The following GALNT18 variants were observed in gnomAD, a reference collection of about 807,000 sequenced individuals.
The protein encoded by GALNT18 is GalNAc-transferase 18.
GALNT18 carries 44 observed loss-of-function variants against 69.5 expected under a neutral mutation model. That is an observed-to-expected ratio of 0.63 (90% CI 0.50 to 0.81). The LOEUF (loss-of-function observed/expected upper bound fraction) is 0.81, where lower values mean the gene tolerates loss of function less well. Among genes scored for constraint, GALNT18 ranks in the 40% least tolerant of loss-of-function variants. GALNT18 has a pLI of 0.00. For missense variants in GALNT18, 715 were observed against 810.0 expected, an observed-to-expected ratio of 0.88 and a Z score of 1.42; for synonymous variants, 364 against 318.2, an observed-to-expected ratio of 1.14 and a Z score of -1.53.
At chr11:11,352,088 C>G (rs1056963) in intron 6 of GALNT18, 1 of 1,613,212 alleles carries the variant, frequency 6.2e-7, no homozygotes, top group Non-Finnish European at 8.5e-7. Context: ...TGCTGACGGG[C>G]GTACTGCCCC....
In GALNT18 at chr11:11,496,766, T is replaced by G. The variant is rs1590052673; in HGVS notation, c.236-47830A>C. 6.6e-6 allele frequency among the ~76,000 whole-genome samples: 1 copy of G among 150,960 alleles called. No individual in the cohort carries two copies. Among genetic ancestry groups the G allele is most frequent in the Non-Finnish European group, 1.5e-5 (1 of 67,856 alleles). On this transcript the variant is annotated intron_variant, in intron 1 of 10. Transcript: ENST00000227756. This position sits in a 1 kb window ranked among gnomAD's most constrained non-coding sequence, Gnocchi z 4.0. ...ACCTGGCTGCTTCTGCTATCCCCAC[T>G]GCAGTGGTCTGAACCCCCTCCATTT... is the stretch of plus-strand genomic sequence containing the variant.
intron 10 of GALNT18, among the ~76,000 whole-genome samples, chr11:11,292,240 A>G (rs575102506): frequency 1.3e-5 from 2 of 152,260 alleles, no homozygotes; most frequent in Non-Finnish European, 2.9e-5. Context: ...GGAGGCAGGC[A>G]TCCCTATCTG....
intron 3 of GALNT18, among the ~76,000 whole-genome samples, chr11:11,392,512 A>G (rs1854218283): frequency 6.6e-6 from 1 of 152,148 alleles, no homozygotes; most frequent in Non-Finnish European, 1.5e-5. Flanking sequence ...CCAGCTACTC[A>G]GGAGGCTGAG....
chr11:11,289,611 C>G (rs1849261526), intron 10 of GALNT18, among the ~76,000 whole-genome samples: 1 of 152,204 alleles, frequency 6.6e-6, no homozygotes, highest in Non-Finnish European at 1.5e-5. Flanking sequence ...GATGGACAGA[C>G]AAGATGGGAG....
At chr11:11,405,509 G>A (rs1307737648) in intron 3 of GALNT18, among the ~76,000 whole-genome samples, 2 of 152,126 alleles carry the variant, frequency 1.3e-5, no homozygotes, top group Admixed American at 1.3e-4. Flanking sequence ...TGAGTCTGGG[G>A]TTCAAGGTCT....
intron 10 of GALNT18, among the ~76,000 whole-genome samples, chr11:11,276,628 T>A (rs1196896521): frequency 6.6e-6 from 1 of 151,972 alleles, no homozygotes; most frequent in African/African-American, 2.4e-5. Flanking sequence ...ACCCATTCAG[T>A]ATGATATTGG....
intron 1 of GALNT18, among the ~76,000 whole-genome samples, chr11:11,580,483 T>C (rs373110257): frequency 1.3e-5 from 2 of 152,396 alleles, no homozygotes; most frequent in East Asian, 3.9e-4. Flanking sequence ...ATCCTGCTAC[T>C]GAACTCTTCT....
chr11:11,285,624 T>C (rs1284081598), intron 10 of GALNT18, among the ~76,000 whole-genome samples: 1 of 152,220 alleles, frequency 6.6e-6, no homozygotes, highest in African/African-American at 2.4e-5. Flanking sequence ...AGTTCTACAC[T>C]TGTCCCTTCA....
intron 9 of GALNT18, among the ~76,000 whole-genome samples, chr11:11,302,481 G>T (rs1339330333): frequency 3.3e-5 from 5 of 152,124 alleles, no homozygotes; most frequent in African/African-American, 1.2e-4. Flanking sequence ...GCACCCCCCA[G>T]ACCAGCCTGG....
At position 11,461,712 on chromosome 11, in the gene GALNT18, A is replaced by C. The variant is rs1184059362; in HGVS notation, c.236-12776T>G. 6.6e-6 allele frequency among the ~76,000 whole-genome samples: 1 copy of C among 152,194 alleles called. No individual in the cohort carries two copies. Among genetic ancestry groups the C allele is most frequent in the Non-Finnish European group, 1.5e-5 (1 of 68,036 alleles). On this transcript the variant is annotated intron_variant, in intron 1 of 10. Coordinates refer to ENST00000227756, the MANE Select transcript of GALNT18 (RefSeq NM_198516.3). This position sits in a 1 kb window ranked among gnomAD's most constrained non-coding sequence, Gnocchi z 4.1. ...AAGCCGGACCAACCCTGCTAATGTT[A>C]AAGAGGCATGCTTCCCTGACACAGA...
intron 10 of GALNT18, among the ~76,000 whole-genome samples, chr11:11,284,889 T>C (rs1849160130): frequency 6.9e-6 from 1 of 144,796 alleles, no homozygotes; most frequent in Admixed American, 7.1e-5. Flanking sequence ...ACACCTGATT[T>C]ACTAGTAAAG....
rs537963080 is a variant in GALNT18, at chr11:11,569,479, G to A, written c.235+51880C>T. Among the ~76,000 whole-genome samples, 7 of 48,468 alleles carry A rather than the reference G, an allele frequency of 1.4e-4. No individual in the cohort carries two copies. The South Asian group carries it at 5.3e-3, about 37-fold the overall frequency. The allele number at this position is 48,468 out of a possible 152,430, so 31.8% of individuals were successfully genotyped here. ...CATCTCATGTTTATCACATCCTCTGGGAATTCTAAGAAATTCTGATCTCAG... is the reference window on the plus strand; with the variant it reads ...CATCTCATGTTTATCACATCCTCTGAGAATTCTAAGAAATTCTGATCTCAG... On this transcript the variant is annotated intron_variant, in intron 1 of 10. Coordinates refer to ENST00000227756, the MANE Select transcript of GALNT18 (RefSeq NM_198516.3).
intron 1 of GALNT18, among the ~76,000 whole-genome samples, chr11:11,561,145 C>G (rs1858494617): frequency 1.3e-5 from 2 of 152,192 alleles, no homozygotes; most frequent in South Asian, 4.2e-4. Flanking sequence ...ATTAAAAATC[C>G]ATGAGAAACA....
chr11:11,404,262 G>A lies in GALNT18; in HGVS notation c.596-24998C>T, dbSNP rs1286627259. On this transcript the variant is annotated intron_variant, in intron 3 of 10. Coordinates refer to ENST00000227756, the MANE Select transcript of GALNT18 (RefSeq NM_198516.3). This position sits in a 1 kb window ranked among gnomAD's most constrained non-coding sequence, Gnocchi z 4.5. ...ATGGCATTGATCACTGAATTCCCCAGGGGAGCCCTGGGCTTCAGTGCCAAT... is the reference window on the plus strand; with the variant it reads ...ATGGCATTGATCACTGAATTCCCCAAGGGAGCCCTGGGCTTCAGTGCCAAT... Among the ~76,000 whole-genome samples the A allele has an allele frequency of 6.6e-6, 1 of 152,212 alleles. No individual in the cohort carries two copies. Among genetic ancestry groups the A allele is most frequent in the East Asian group, 1.9e-4 (1 of 5,194 alleles).
At chr11:11,295,720 C>T (rs1383574190) in intron 9 of GALNT18, among the ~76,000 whole-genome samples, 3 of 152,174 alleles carry the variant, frequency 2.0e-5, no homozygotes, top group African/African-American at 7.2e-5. Flanking sequence ...GGTCACTTTA[C>T]AAGTTATCAA....
rs1316931009 is a variant in GALNT18 at position 11,343,429 on chromosome 11, A to T, written c.1093-2425T>A. On this transcript the variant is annotated intron_variant, in intron 6 of 10. Transcript: ENST00000227756. ...AGAACACACAGCTGATACTTAAGAC[A>T]AAAGGATCTGTCTGATCCCAAAGAA... Among the ~76,000 whole-genome samples, 5 of 152,338 alleles carry T rather than the reference A, an allele frequency of 3.3e-5. No homozygotes were observed. The East Asian group carries it at 9.6e-4, about 29-fold the overall frequency.
intron 3 of GALNT18, among the ~76,000 whole-genome samples, chr11:11,414,978 CGTT>C (rs1189206849): frequency 1.3e-5 from 2 of 152,150 alleles, no homozygotes; most frequent in Non-Finnish European, 2.9e-5. Flanking sequence ...GAGATTGACT[CGTT>C]GTTGGCACAA....
intron 6 of GALNT18, among the ~76,000 whole-genome samples, chr11:11,355,484 C>T (rs1257000001): frequency 6.6e-6 from 1 of 152,182 alleles, no homozygotes. Context: ...TGGTTTATAC[C>T]TAGTGTTCCA....
At chr11:11,316,604 C>T (rs768666483) in intron 9 of GALNT18, among the ~76,000 whole-genome samples, 4 of 152,192 alleles carry the variant, frequency 2.6e-5, no homozygotes, top group Non-Finnish European at 4.4e-5. Flanking sequence ...ATTTCAAAAA[C>T]GTCAGAAGGA....
Sources: allele counts gnomAD v4.1 joint callset (sites outside exome capture counted in the v4.1 genomes callset), GRCh38; gene constraint gnomAD v4.1.1; non-coding constraint Gnocchi (gnomAD v3.1); transcripts MANE v1.5; gene names NCBI Gene and HGNC (gene_info 2026-07-23, HGNC 2026-07-21).